TEAD3: variants seen among roughly 807,000 people sequenced by gnomAD.
TEAD3 encodes transcriptional enhancer factor TEF-5.
TEAD3 carries 15 observed loss-of-function variants against 55.6 expected under a neutral mutation model. The observed-to-expected ratio is 0.27, with a 90% CI of 0.18 to 0.42. The LOEUF is 0.42. TEAD3 is among the 10% of genes least tolerant of loss of function. The probability of loss-of-function intolerance (pLI) is 1.00; values close to 1 mark genes in which losing one functional copy is unlikely to be tolerated. For missense variants in TEAD3, 407 were observed against 576.8 expected (o/e 0.71, Z 3.01); for synonymous variants, 210 against 232.2 (o/e 0.90, Z 0.87).
chr6:35,480,064 A>G, exon 4 of TEAD3: 2 of 1,520,758 alleles, frequency 1.3e-6, no homozygotes, highest in South Asian at 2.4e-5. Flanking sequence ...CCGTACCTTC[A>G]GCTTAGACTG....
At chr6:35,478,304 G>A (rs774137165) in exon 7 of TEAD3, 2 of 1,613,836 alleles carry the variant, frequency 1.2e-6, no homozygotes, top group African/African-American at 1.3e-5. Flanking sequence ...GCTGTCCCAG[G>A]AGAGGGGGGC....
chr6:35,491,371 C>G lies in TEAD3; in HGVS notation c.-49-4660G>C, dbSNP rs117179837. Among the ~76,000 whole-genome samples the G allele has an allele frequency of 5.5e-4, 83 of 151,748 alleles. No individual in the cohort carries two copies. In the East Asian group the frequency reaches 0.012, roughly 22 times the overall value. On this transcript the variant is annotated intron_variant, in intron 1 of 12. Coordinates refer to ENST00000639578, the Ensembl canonical transcript of TEAD3. This position sits in a 1 kb window ranked among gnomAD's most constrained non-coding sequence, Gnocchi z 4.4. ...AGCAGAGAGGGGTAGACCAGAAACT[C>G]AGATATGATAGGCATCGAGGGAGGG... is the stretch of plus-strand genomic sequence containing the variant.
intron 3 of TEAD3, among the ~76,000 whole-genome samples, chr6:35,482,275 T>C (rs1423967886): frequency 6.6e-6 from 1 of 152,100 alleles, no homozygotes; most frequent in Non-Finnish European, 1.5e-5. Context: ...CGAAAGTAAA[T>C]TTTAAAAGGA....
downstream of TEAD3, chr6:35,474,654 C>A: frequency 4.8e-6 from 1 of 206,416 alleles, no homozygotes; most frequent in Admixed American, 5.3e-5. Flanking sequence ...CTCACTGACT[C>A]CCTTGGTCTC....
At chr6:35,474,435 C>T (rs1561802301), downstream of TEAD3, 1 of 153,412 alleles carries the variant, frequency 6.5e-6, no homozygotes, top group Non-Finnish European at 1.5e-5. Flanking sequence ...AGAACTCCAG[C>T]TCTGCCCACC....
intron 3 of TEAD3, among the ~76,000 whole-genome samples, chr6:35,481,105 A>G (rs997034543): frequency 6.6e-6 from 1 of 151,606 alleles, no homozygotes; most frequent in Non-Finnish European, 1.5e-5. Context: ...TTGGGCTAAT[A>G]TATGCTAGTG....
At chr6:35,487,689 C>A (rs981887666) in intron 1 of TEAD3, among the ~76,000 whole-genome samples, 1 of 152,022 alleles carries the variant, frequency 6.6e-6, no homozygotes, top group Non-Finnish European at 1.5e-5. Flanking sequence ...CACCACTGCA[C>A]TCCAGCCTGG....
rs1768521072 is a variant in TEAD3 at position 35,491,611 on chromosome 6, T to G, written c.-49-4900A>C. On this transcript the variant is annotated intron_variant, in intron 1 of 12. Transcript: ENST00000639578. This position sits in a 1 kb window ranked among gnomAD's most constrained non-coding sequence, Gnocchi z 4.4. ...ATCTGCCTCTGCAGAGGAGTCCTGT[T>G]GTACCTGTCCTGCAAACCCGCCAGC... Among the ~76,000 whole-genome samples the G allele has an allele frequency of 6.6e-6, 1 of 152,172 alleles. No homozygotes were observed. Among genetic ancestry groups the G allele is most frequent in the Non-Finnish European group, 1.5e-5 (1 of 68,020 alleles).
chr6:35,491,280 G>T lies in TEAD3; in HGVS notation c.-49-4569C>A, dbSNP rs537748453. ...GAGCCGGTGGGGGGTGAAGGGAGAA[G>T]GGGAGAAGGAGGGCAGGGGAGGGGC... On this transcript the variant is annotated intron_variant, in intron 1 of 12. Coordinates refer to ENST00000639578, the Ensembl canonical transcript of TEAD3. The surrounding 1 kb of genome is among the most constrained non-coding windows in gnomAD (Gnocchi z 4.4). Among the ~76,000 whole-genome samples the T allele has an allele frequency of 5.9e-5, 9 of 151,296 alleles. No homozygotes were observed. The highest frequency in any genetic ancestry group is 4.6e-4 in the Admixed American group (7 of 15,202).
exon 6 of TEAD3, chr6:35,478,479 G>C (rs1768199695): frequency 6.2e-7 from 1 of 1,612,536 alleles, no homozygotes; most frequent in African/African-American, 1.3e-5. Context: ...GGGAAGGTGG[G>C]CTGAACTTGT....
intron 1 of TEAD3, among the ~76,000 whole-genome samples, chr6:35,493,041 G>A (rs1163680449): frequency 6.6e-6 from 1 of 152,108 alleles, no homozygotes; most frequent in Non-Finnish European, 1.5e-5. Flanking sequence ...CACTCAGTCA[G>A]TGCCCTCATG....
At chr6:35,477,483 G>T in intron 7 of TEAD3, 111 bp from the exon 8 acceptor site, 1 of 934,532 alleles carries the variant, frequency 1.1e-6, no homozygotes, top group Non-Finnish European at 1.6e-6. Context: ...TTCTGCTGAG[G>T]CCCAGAAACG....
chr6:35,492,983 C>G (rs964271695), intron 1 of TEAD3, among the ~76,000 whole-genome samples: 3 of 152,022 alleles, frequency 2.0e-5, no homozygotes, highest in Admixed American at 2.0e-4. Context: ...TCTCAGTTAC[C>G]ATGCCAGACT....
At chr6:35,476,562 T>C (rs1312624055) in intron 8 of TEAD3, 127 bp from the exon 9 acceptor site, 1 of 1,127,206 alleles carries the variant, frequency 8.9e-7, no homozygotes, top group East Asian at 2.4e-5. Context: ...TCCCCTACTA[T>C]GTGTCCTTGT....
In TEAD3 at chr6:35,484,058, A is replaced by G. The variant is rs907495940; in HGVS notation, c.267+502T>C. 6.6e-6 allele frequency among the ~76,000 whole-genome samples: 1 copy of G among 152,082 alleles called. No homozygotes were observed. Among genetic ancestry groups the G allele is most frequent in the African/African-American group, 2.4e-5 (1 of 41,406 alleles). On this transcript the variant is annotated intron_variant, in intron 3 of 12. Transcript: ENST00000639578. This position sits in a 1 kb window ranked among gnomAD's most constrained non-coding sequence, Gnocchi z 5.8. ...CGAACTCCCATTCCTTCTTAAAAAT[A>G]TATCCCGAGTGTCACCTCCTCCAGG...
At chr6:35,492,827 C>T (rs557070467) in intron 1 of TEAD3, among the ~76,000 whole-genome samples, 2 of 152,238 alleles carry the variant, frequency 1.3e-5, no homozygotes, top group South Asian at 2.1e-4. Context: ...CCTCAAGTCC[C>T]CTGTAGAGAG....
chr6:35,486,823 G>A lies in TEAD3; in HGVS notation c.-49-112C>T. 1 of 711,714 alleles carries A rather than the reference G, an allele frequency of 1.4e-6. No homozygotes were observed. Among genetic ancestry groups the A allele is most frequent in the South Asian group, 1.9e-5 (1 of 52,926 alleles). 44.1% of individuals were successfully genotyped at this position (711,714 alleles called of 1,614,324 possible). A position where few individuals can be genotyped will look rare whatever the true frequency, so the allele number is the denominator to read the frequency against. On this transcript the variant is annotated intron_variant, in intron 1 of 12. Coordinates refer to ENST00000639578, the Ensembl canonical transcript of TEAD3. This position sits in a 1 kb window ranked among gnomAD's most constrained non-coding sequence, Gnocchi z 7.3. ...CGCCCCCAGCCCCAAGCCCACCCTA[G>A]GAGCAGGTGCTCCAGGTGGAACGGA...
rs1296115905 is a variant in TEAD3, at chr6:35,496,397, A to T, written c.-50+501T>A. Reference sequence around the variant, plus strand: ...CTCCACAACCCAGCGCAGCCGCGGCACCGCGCGCAGAAACCGGCCTGGGCG... The same window carrying T: ...CTCCACAACCCAGCGCAGCCGCGGCTCCGCGCGCAGAAACCGGCCTGGGCG... On this transcript the variant is annotated intron_variant, in intron 1 of 12. Coordinates refer to ENST00000639578, the Ensembl canonical transcript of TEAD3. This position sits in a 1 kb window ranked among gnomAD's most constrained non-coding sequence, Gnocchi z 4.8. Among the ~76,000 whole-genome samples, 1 of 152,006 alleles carries T rather than the reference A, an allele frequency of 6.6e-6. No homozygotes were observed. Among genetic ancestry groups the T allele is most frequent in the African/African-American group, 2.4e-5 (1 of 41,400 alleles).
rs759829216 is a variant in TEAD3, at chr6:35,478,503, G to A, written c.411C>T (p.Ala137=). The A allele has an allele frequency of 1.9e-6, 3 of 1,611,240 alleles. No individual in the cohort carries two copies. In the African/African-American group the frequency reaches 4.0e-5, roughly 22 times the overall value. Residue 137 remains alanine, a synonymous_variant, in exon 6 of 13, where the codon GCC becomes GCT. Coordinates refer to ENST00000639578, the Ensembl canonical transcript of TEAD3. ...GGCTGAACTTGTTCTGCAGGACACTGGCAGAGACGATCTGGGCAGAGGACA... is the reference window on the plus strand; with the variant it reads ...GGCTGAACTTGTTCTGCAGGACACTAGCAGAGACGATCTGGGCAGAGGACA...
Sources: gnomAD v4.1 joint callset for allele counts (sites outside exome capture counted in the v4.1 genomes callset) on GRCh38, gnomAD v4.1.1 for gene constraint, Gnocchi (gnomAD v3.1) non-coding constraint, MANE v1.5 for transcripts, NCBI Gene and HGNC (gene_info 2026-07-23, HGNC 2026-07-21) for gene names.